Variants in UBE2R2 observed in about 807,000 individuals in gnomAD.
The protein encoded by UBE2R2 is ubiquitin-conjugating enzyme E2 R2.
Under a neutral mutation model 27.8 loss-of-function variants are expected in UBE2R2, and 1 was observed. That is an observed-to-expected ratio of 0.04 (90% CI 0.01 to 0.17). The LOEUF (loss-of-function observed/expected upper bound fraction) is 0.17, where lower values mean the gene tolerates loss of function less well. UBE2R2 is among the 10% of genes least tolerant of loss of function. The pLI, the probability that UBE2R2 is intolerant of heterozygous loss-of-function variation, is 1.00. For synonymous variants in UBE2R2, 106 were observed against 113.3 expected (o/e 0.94, Z 0.41); for missense variants, 100 against 291.0 (o/e 0.34, Z 4.78).
chr9:33,917,386 T>C lies in UBE2R2; in HGVS notation c.*149T>C. On this transcript the variant is annotated 3_prime_UTR_variant, in exon 5 of 5. Transcript: ENST00000263228. ...CTCCTGCTGACTCCCCTTATGGATC[T>C]CAGTTTGCTCCTTTTTATGGACCTT... The C allele has an allele frequency of 8.3e-7, 1 of 1,210,158 alleles. No individual in the cohort carries two copies. The highest frequency in any genetic ancestry group is 1.1e-6 in the Non-Finnish European group (1 of 878,722). The allele number at this position is 1,210,158 out of a possible 1,614,324, so 75.0% of individuals were successfully genotyped here. A position where few individuals can be genotyped will look rare whatever the true frequency, so the allele number is the denominator to read the frequency against.
intron 1 of UBE2R2, among the ~76,000 whole-genome samples, chr9:33,871,323 A>G (rs1479608775): frequency 6.6e-6 from 1 of 152,228 alleles, no homozygotes; most frequent in Non-Finnish European, 1.5e-5. Flanking sequence ...GAGAAATTGA[A>G]TAAGTGAAAA....
intron 1 of UBE2R2, among the ~76,000 whole-genome samples, chr9:33,837,642 C>G (rs930666911): frequency 6.6e-6 from 1 of 151,630 alleles, no homozygotes; most frequent in African/African-American, 2.4e-5. Context: ...CCAGGCTGTT[C>G]TTGAACTCCT....
In UBE2R2 at chr9:33,817,572, T is replaced by G; in HGVS notation, c.-186T>G. 73 of 433,260 alleles carry G rather than the reference T, an allele frequency of 1.7e-4. No individual in the cohort carries two copies. Among genetic ancestry groups the G allele is most frequent in the East Asian group, 2.1e-4 (2 of 9,462 alleles). 26.8% of individuals were successfully genotyped at this position (433,260 alleles called of 1,614,324 possible). A position where few individuals can be genotyped will look rare whatever the true frequency, so the allele number is the denominator to read the frequency against. On this transcript the variant is annotated 5_prime_UTR_variant, in exon 1 of 5. Transcript: ENST00000263228. The stretch of plus-strand genomic sequence containing the variant: ...AGGGCCCGGCCCGGCCTGCGTCGTG[T>G]GTGAGGAGGACCCCGGGCGGGCCCA...
chr9:33,819,898 A>G (rs777559178), intron 1 of UBE2R2, among the ~76,000 whole-genome samples: 8 of 152,162 alleles, frequency 5.3e-5, no homozygotes, highest in Non-Finnish European at 1.2e-4. Flanking sequence ...CTGCCTCCCA[A>G]AGTGCTGGGA....
chr9:33,890,126 C>T (rs1335252817), intron 2 of UBE2R2, among the ~76,000 whole-genome samples: 1 of 150,622 alleles, frequency 6.6e-6, no homozygotes, highest in Non-Finnish European at 1.5e-5. Flanking sequence ...ATTACACTCC[C>T]CTTTCCACTT....
chr9:33,827,867 A>G (rs1249429940), intron 1 of UBE2R2, among the ~76,000 whole-genome samples: 8 of 151,452 alleles, frequency 5.3e-5, no homozygotes, highest in Non-Finnish European at 7.4e-5. Flanking sequence ...GCTACTCAAG[A>G]GGCTGAGGCG....
intron 1 of UBE2R2, among the ~76,000 whole-genome samples, chr9:33,863,249 C>T (rs555621580): frequency 6.6e-6 from 1 of 151,360 alleles, no homozygotes; most frequent in Non-Finnish European, 1.5e-5. Flanking sequence ...GTAAGCCGGG[C>T]GTGGTGGCTC....
upstream of UBE2R2, among the ~76,000 whole-genome samples, chr9:33,817,107 C>A (rs369960519): frequency 4.1e-4 from 62 of 152,052 alleles, 1 homozygote; most frequent in East Asian, 6.4e-3. Context: ...TGAGAGCCGC[C>A]CAGCACCCGG....
chr9:33,892,528 T>C (rs1822014065), intron 2 of UBE2R2, among the ~76,000 whole-genome samples: 2 of 152,130 alleles, frequency 1.3e-5, no homozygotes. Flanking sequence ...AGTTCCTCTA[T>C]GGGGTTATAC....
At chr9:33,864,009 G>C (rs1453504929) in intron 1 of UBE2R2, among the ~76,000 whole-genome samples, 1 of 152,050 alleles carries the variant, frequency 6.6e-6, no homozygotes, top group Non-Finnish European at 1.5e-5. Context: ...TTTTAGTAAA[G>C]ATGGGGTTTC....
At chr9:33,832,133 A>G (rs770630474) in intron 1 of UBE2R2, among the ~76,000 whole-genome samples, 38 of 143,790 alleles carry the variant, frequency 2.6e-4, no homozygotes, top group Non-Finnish European at 5.2e-4. Flanking sequence ...ATATGGAGAA[A>G]CCCCGTCTCT....
Position 33,823,171 on chromosome 9 carries a change from G to A in UBE2R2, c.177+5237G>A, listed in dbSNP as rs568309946. On this transcript the variant is annotated intron_variant, in intron 1 of 4. Coordinates refer to ENST00000263228, the MANE Select transcript of UBE2R2 (RefSeq NM_017811.4). Reference sequence around the variant, plus strand: ...TCTGCCCACCTTGGCCTCCCAAAGTGCTGGGATTACAGATGTGAGCCAGTG... The same window carrying A: ...TCTGCCCACCTTGGCCTCCCAAAGTACTGGGATTACAGATGTGAGCCAGTG... 1.4e-4 allele frequency among the ~76,000 whole-genome samples: 21 copies of A among 151,966 alleles called. No individual in the cohort carries two copies. The East Asian group carries it at 4.1e-3, about 30-fold the overall frequency.
In UBE2R2 at chr9:33,918,607, C is replaced by A. The variant is rs1822715906; in HGVS notation, c.*1370C>A. The A allele has an allele frequency of 6.6e-6, 1 of 152,418 alleles. No homozygotes were observed. Among genetic ancestry groups the A allele is most frequent in the South Asian group, 2.1e-4 (1 of 4,826 alleles). The allele number at this position is 152,418 out of a possible 1,614,324, so 9.4% of individuals were successfully genotyped here. A position where few individuals can be genotyped will look rare whatever the true frequency, so the allele number is the denominator to read the frequency against. On this transcript the variant is annotated 3_prime_UTR_variant, in exon 5 of 5. Coordinates refer to ENST00000263228, the MANE Select transcript of UBE2R2 (RefSeq NM_017811.4). The stretch of plus-strand genomic sequence containing the variant: ...CCAGCAGCCTTCACCATCCAGGAGA[C>A]TTCAGAACTTGAAGGTAATTTTTGG...
intron 1 of UBE2R2, among the ~76,000 whole-genome samples, chr9:33,839,441 AT>A (rs1460310248): frequency 6.6e-6 from 1 of 151,834 alleles, no homozygotes; most frequent in Admixed American, 6.6e-5. Flanking sequence ...TTTCGCCATG[AT>A]GGCCAGGCTG....
intron 4 of UBE2R2, among the ~76,000 whole-genome samples, chr9:33,913,041 G>GGTT (rs1822529279): frequency 6.6e-6 from 1 of 151,446 alleles, no homozygotes; most frequent in Admixed American, 6.6e-5. Context: ...GCTCACTGCA[G>GGTT]CCTCTATCTC....
chr9:33,867,387 C>T (rs995702433), intron 1 of UBE2R2, among the ~76,000 whole-genome samples: 1 of 152,000 alleles, frequency 6.6e-6, no homozygotes, highest in East Asian at 1.9e-4. Flanking sequence ...ATGTATATTC[C>T]TATTTATGAA....
At chr9:33,827,097 C>T (rs1820331108) in intron 1 of UBE2R2, among the ~76,000 whole-genome samples, 1 of 151,390 alleles carries the variant, frequency 6.6e-6, no homozygotes, top group South Asian at 2.1e-4. Context: ...GAGACTCTGC[C>T]TCAAAAAAAA....
intron 1 of UBE2R2, among the ~76,000 whole-genome samples, chr9:33,852,745 G>A (rs996040832): frequency 3.3e-5 from 5 of 152,092 alleles, no homozygotes; most frequent in African/African-American, 1.2e-4. Context: ...ATGGGGCCGG[G>A]TGCAGTGGCT....
intron 3 of UBE2R2, among the ~76,000 whole-genome samples, chr9:33,903,699 A>C (rs1822294345): frequency 6.6e-6 from 1 of 152,194 alleles, no homozygotes; most frequent in African/African-American, 2.4e-5. Context: ...TTATCTGCCC[A>C]TCTGAAACTG....
Sources: gnomAD v4.1 joint callset for allele counts (sites outside exome capture counted in the v4.1 genomes callset) on GRCh38, gnomAD v4.1.1 for gene constraint, MANE v1.5 for transcripts, NCBI Gene and HGNC (gene_info 2026-07-23, HGNC 2026-07-21) for gene names.